IL1RAPL1: variants seen among roughly 807,000 people sequenced by gnomAD.
IL1RAPL1 encodes the protein interleukin-1 receptor accessory protein-like 1.
Under a neutral mutation model 48.4 loss-of-function variants are expected in IL1RAPL1, and 3 were observed. The observed-to-expected ratio is 0.06, with a 90% CI of 0.03 to 0.16. The LOEUF is 0.16. Among genes scored for constraint, IL1RAPL1 ranks in the 10% least tolerant of loss-of-function variants. The probability of loss-of-function intolerance (pLI) is 1.00; values close to 1 mark genes in which losing one functional copy is unlikely to be tolerated. For synonymous variants in IL1RAPL1, 185 were observed against 187.7 expected (o/e 0.99, Z 0.12); for missense variants, 349 against 530.6 (o/e 0.66, Z 3.36).
At chrX:28,876,586 C>T (rs1922378919) in intron 2 of IL1RAPL1, among the ~76,000 whole-genome samples, 1 of 111,683 alleles carries the variant, frequency 9.0e-6, no homozygotes, top group Non-Finnish European at 1.9e-5. Flanking sequence ...ATTCCCTCCA[C>T]TGGCCCCAAG....
rs148572538 is a variant in IL1RAPL1 at position 28,624,714 on chromosome X, C to T, written c.-25+36667C>T. Among the ~76,000 whole-genome samples the T allele has an allele frequency of 3.3e-3, 372 of 111,910 alleles. 2 individuals are homozygous for T. The highest frequency in any genetic ancestry group is 0.011 in the African/African-American group (352 of 30,853). On this transcript the variant is annotated intron_variant, in intron 1 of 10. Coordinates refer to ENST00000378993, the MANE Select transcript of IL1RAPL1 (RefSeq NM_014271.4). The stretch of plus-strand genomic sequence containing the variant: ...AACTCGGAATCTATAATCTGCAACA[C>T]GGCACAGAGTATCAAACTATGTACT...
At chrX:28,857,936 C>A (rs927996461) in intron 2 of IL1RAPL1, among the ~76,000 whole-genome samples, 1 of 111,737 alleles carries the variant, frequency 8.9e-6, no homozygotes, top group Non-Finnish European at 1.9e-5. Flanking sequence ...AAAGAATTTA[C>A]CATTCTAGAT....
chrX:29,053,391 C>A (rs1927140798), intron 2 of IL1RAPL1, among the ~76,000 whole-genome samples: 1 of 111,591 alleles, frequency 9.0e-6, no homozygotes, highest in Non-Finnish European at 1.9e-5. Context: ...TGGATATATA[C>A]CCAGTAGTAG....
chrX:28,680,464 T>C (rs1288204592), intron 1 of IL1RAPL1, among the ~76,000 whole-genome samples: 1 of 111,370 alleles, frequency 9.0e-6, no homozygotes, highest in Admixed American at 9.5e-5. Context: ...GTCTTATTGC[T>C]CTGGCTAGGA....
intron 1 of IL1RAPL1, among the ~76,000 whole-genome samples, chrX:28,614,561 T>C (rs746359505): frequency 9.0e-6 from 1 of 111,533 alleles, no homozygotes; most frequent in African/African-American, 3.3e-5. Context: ...TCATGTTCAG[T>C]GCAAGTGTGT....
At chrX:29,622,366 C>T (rs1297525843) in intron 5 of IL1RAPL1, among the ~76,000 whole-genome samples, 2 of 112,340 alleles carry the variant, frequency 1.8e-5, no homozygotes, top group Non-Finnish European at 3.8e-5. Flanking sequence ...TCTTGGTTTG[C>T]TCTCATTCCA....
At chrX:28,795,157 A>C (rs1291193688) in intron 2 of IL1RAPL1, among the ~76,000 whole-genome samples, 1 of 111,686 alleles carries the variant, frequency 9.0e-6, no homozygotes, top group Non-Finnish European at 1.9e-5. Context: ...AAGTTAAAAA[A>C]AATGCACTTT....
intron 1 of IL1RAPL1, among the ~76,000 whole-genome samples, chrX:28,693,119 T>C (rs1935197173): frequency 8.9e-6 from 1 of 112,229 alleles, no homozygotes; most frequent in African/African-American, 3.2e-5. Context: ...ACAATTCCAC[T>C]GGAATACCTT....
chrX:29,899,891 T>C (rs1932465026), intron 6 of IL1RAPL1, among the ~76,000 whole-genome samples: 3 of 111,736 alleles, frequency 2.7e-5, no homozygotes, highest in Non-Finnish European at 3.8e-5. Flanking sequence ...TGCTACCAAA[T>C]TCTGAAACTC....
intron 2 of IL1RAPL1, among the ~76,000 whole-genome samples, chrX:28,885,110 A>G (rs1922597052): frequency 8.9e-6 from 1 of 111,759 alleles, no homozygotes; most frequent in Admixed American, 9.5e-5. Context: ...GAATGTACAA[A>G]TAGATGCAAA....
intron 2 of IL1RAPL1, among the ~76,000 whole-genome samples, chrX:28,887,526 T>C (rs1191178084): frequency 1.8e-5 from 2 of 112,154 alleles, no homozygotes; most frequent in Non-Finnish European, 3.8e-5. Context: ...GTCTGTTCCC[T>C]TCCTTCCCTG....
chrX:29,121,683 A>G (rs1418582105), intron 2 of IL1RAPL1, among the ~76,000 whole-genome samples: 1 of 112,049 alleles, frequency 8.9e-6, no homozygotes, highest in Non-Finnish European at 1.9e-5. Context: ...TTAAGGACTC[A>G]TGTGATTCAG....
chrX:28,831,394 G>T (rs899118196), intron 2 of IL1RAPL1, among the ~76,000 whole-genome samples: 2 of 108,637 alleles, frequency 1.8e-5, no homozygotes, highest in Admixed American at 1.0e-4. Flanking sequence ...CCATATTAGG[G>T]ATAGAACTTT....
intron 6 of IL1RAPL1, among the ~76,000 whole-genome samples, chrX:29,862,969 T>TA (rs1206630965): frequency 0.12 from 7,664 of 61,415 alleles, 703 homozygotes; most frequent in East Asian, 0.34. Flanking sequence ...TTGGCATACT[T>TA]AAAAAAAAAA....
chrX:29,494,297 T>C (rs1423793650), intron 5 of IL1RAPL1, among the ~76,000 whole-genome samples: 1 of 111,996 alleles, frequency 8.9e-6, no homozygotes, highest in Non-Finnish European at 1.9e-5. Flanking sequence ...GTAAAGGATA[T>C]GATTTAATTC....
chrX:29,010,389 G>A (rs1251145683), intron 2 of IL1RAPL1, among the ~76,000 whole-genome samples: 1 of 111,521 alleles, frequency 9.0e-6, no homozygotes, highest in Non-Finnish European at 1.9e-5. Flanking sequence ...GTTTGTCATA[G>A]ATGTCTCATT....
chrX:29,608,597 T>C (rs745804306), intron 5 of IL1RAPL1, among the ~76,000 whole-genome samples: 1,540 of 110,232 alleles, frequency 0.014, 34 homozygotes, highest in African/African-American at 0.048. Context: ...GAGGCCAAGG[T>C]GGGCGGATCA....
chrX:28,851,381 A>T (rs1395818571), intron 2 of IL1RAPL1, among the ~76,000 whole-genome samples: 1 of 111,253 alleles, frequency 9.0e-6, no homozygotes, highest in African/African-American at 3.3e-5. Context: ...ATCAACAATC[A>T]TTTCTAACAC....
intron 5 of IL1RAPL1, among the ~76,000 whole-genome samples, chrX:29,477,085 T>C (rs1934986060): frequency 9.2e-6 from 1 of 108,999 alleles, no homozygotes; most frequent in Non-Finnish European, 1.9e-5. Flanking sequence ...TTTCACCTTG[T>C]TAGCCAGGAT....
Sources: gnomAD v4.1 joint callset for allele counts (sites outside exome capture counted in the v4.1 genomes callset) on GRCh38, gnomAD v4.1.1 for gene constraint, MANE v1.5 for transcripts, NCBI Gene and HGNC (gene_info 2026-07-23, HGNC 2026-07-21) for gene names.